The following PSME4 variants were observed in gnomAD, a reference collection of about 807,000 sequenced individuals.
PSME4 encodes proteasome activator complex subunit 4.
In PSME4, 89 loss-of-function variants were observed where a neutral mutation model predicts 253.9. The observed-to-expected ratio is 0.35, with a 90% confidence interval of 0.30 to 0.42. The LOEUF (loss-of-function observed/expected upper bound fraction) is 0.42, where lower values mean the gene tolerates loss of function less well. Among genes scored for constraint, PSME4 ranks in the 10% least tolerant of loss-of-function variants. The probability of loss-of-function intolerance (pLI) is 1.00; values close to 1 mark genes in which losing one functional copy is unlikely to be tolerated. For synonymous variants in PSME4, 851 were observed against 759.2 expected, an observed-to-expected ratio of 1.12 and a Z score of -1.99; for missense variants, 2,014 against 2,195.2, an observed-to-expected ratio of 0.92 and a Z score of 1.65.
intron 40 of PSME4, 87 bp downstream of exon 40, chr2:53,887,172 C>T (rs1679679259): frequency 5.8e-6 from 7 of 1,211,148 alleles, no homozygotes; most frequent in African/African-American, 3.1e-5. Flanking sequence ...GTCTATTTTA[C>T]CACAATAAAA....
rs774703506 is a variant in PSME4 at position 53,934,695 on chromosome 2, G to A, written c.867C>T (p.Leu289=). Residue 289 remains leucine (L), a synonymous_variant, in exon 8 of 47, where the codon CTC becomes CTT. Coordinates refer to ENST00000404125, the MANE Select transcript of PSME4 (RefSeq NM_014614.3). ...CTAACACTTGACTGCTTCCCACTGG[G>A]AGGTTCAAGCTTCTCAGAATTCTTG... ...IFTRILRSLN[L]PVGSSQVLVP... 9 of 1,601,954 alleles carry A rather than the reference G, an allele frequency of 5.6e-6. 1 individual carries two copies. In the South Asian group the frequency reaches 9.9e-5, roughly 18 times the overall value.
Position 53,970,976 on chromosome 2 carries a change from G to C in PSME4, c.-192C>G. 1 of 472,554 alleles carries C rather than the reference G, an allele frequency of 2.1e-6. No individual in the cohort carries two copies. The highest frequency in any genetic ancestry group is 3.6e-6 in the Non-Finnish European group (1 of 276,904). 29.3% of individuals were successfully genotyped at this position (472,554 alleles called of 1,614,324 possible). A position where few individuals can be genotyped will look rare whatever the true frequency, so the allele number is the denominator to read the frequency against. On this transcript the variant is annotated 5_prime_UTR_variant, in exon 1 of 47. Coordinates refer to ENST00000404125, the MANE Select transcript of PSME4 (RefSeq NM_014614.3). ...CCCACGCGGCTCTCAGTTCGTTGGC[G>C]GCGGCAGCGGCCGCTCTGCCCGCCC...
At chr2:53,956,486 C>T (rs112044938) in intron 1 of PSME4, among the ~76,000 whole-genome samples, 19 of 151,482 alleles carry the variant, frequency 1.3e-4, no homozygotes, top group African/African-American at 3.2e-4. Context: ...GCCGAGATCA[C>T]GCCACTGCAC....
intron 8 of PSME4, 66 bp from the exon 9 acceptor site, chr2:53,932,826 C>A: frequency 8.0e-7 from 1 of 1,249,138 alleles, no homozygotes. Context: ...GGTCAACAGG[C>A]CCAAGCCTAT....
intron 41 of PSME4, among the ~76,000 whole-genome samples, chr2:53,877,034 T>C (rs1189090351): frequency 6.6e-6 from 1 of 152,028 alleles, no homozygotes; most frequent in Admixed American, 6.6e-5. Context: ...CCGTATTTGT[T>C]TTAATGAAGA....
chr2:53,909,812 C>T (rs1001015695), intron 21 of PSME4, among the ~76,000 whole-genome samples: 28 of 152,010 alleles, frequency 1.8e-4, no homozygotes, highest in African/African-American at 6.0e-4. Flanking sequence ...AAATATAAAA[C>T]TTAGCTGGGC....
intron 36 of PSME4, among the ~76,000 whole-genome samples, 168 bp downstream of exon 36, chr2:53,892,640 C>T (rs1679964020): frequency 6.6e-6 from 1 of 152,186 alleles, no homozygotes; most frequent in South Asian, 2.1e-4. Flanking sequence ...TTCCTAGAGA[C>T]CATTAGGCTG....
intron 24 of PSME4, among the ~76,000 whole-genome samples, chr2:53,907,500 C>G (rs1324143490): frequency 6.6e-6 from 1 of 152,152 alleles, no homozygotes; most frequent in Non-Finnish European, 1.5e-5. Context: ...AACAGTTTAA[C>G]TCCCTTTCTT....
chr2:53,964,272 C>T (rs935225370), intron 1 of PSME4, among the ~76,000 whole-genome samples: 3 of 152,140 alleles, frequency 2.0e-5, no homozygotes, highest in African/African-American at 7.2e-5. Context: ...AGAGGGTATA[C>T]AGGAACTCTA....
chr2:53,871,249 A>G (rs1443835427), intron 43 of PSME4, among the ~76,000 whole-genome samples: 4 of 151,556 alleles, frequency 2.6e-5, no homozygotes, highest in Non-Finnish European at 5.9e-5. Flanking sequence ...TAATGTCTTT[A>G]TCTGTATACT....
In PSME4 at chr2:53,874,354, C is replaced by T. The variant is rs749298200; in HGVS notation, c.5085G>A (p.Glu1695=). 3.1e-6 allele frequency: 5 copies of T among 1,609,728 alleles called. No homozygotes were observed. The highest frequency in any genetic ancestry group is 4.2e-6 in the Non-Finnish European group (5 of 1,178,992). ...TAAATTTTACCTCCAGTTGTTCGTCCTCCAAAAGACTTATAACCAGCCACC... is the reference window on the plus strand; with the variant it reads ...TAAATTTTACCTCCAGTTGTTCGTCTTCCAAAAGACTTATAACCAGCCACC... ...DIRWLVISLL[E]DEQLEVREMA... Residue 1695 remains glutamate, a synonymous_variant, in exon 43 of 47, where the codon GAG becomes GAA. Coordinates refer to ENST00000404125, the MANE Select transcript of PSME4 (RefSeq NM_014614.3).
intron 32 of PSME4, among the ~76,000 whole-genome samples, chr2:53,896,055 G>A (rs1680123109): frequency 6.6e-6 from 1 of 151,832 alleles, no homozygotes; most frequent in Admixed American, 6.6e-5. Context: ...GACTTACAGA[G>A]CTCAAAAAAT....
At chr2:53,969,616 T>C (rs1670935280) in intron 1 of PSME4, among the ~76,000 whole-genome samples, 1 of 151,870 alleles carries the variant, frequency 6.6e-6, no homozygotes, top group Non-Finnish European at 1.5e-5. Context: ...CTTAAAAAGC[T>C]CTTCGGACAC....
intron 8 of PSME4, 99 bp downstream of exon 8, chr2:53,934,506 C>G (rs973949164): frequency 8.1e-7 from 1 of 1,238,090 alleles, no homozygotes. Context: ...AGTCACCAAC[C>G]AAGCCACTAT....
chr2:53,875,798 C>T, intron 41 of PSME4, 43 bp from the exon 42 acceptor site: 1 of 1,576,478 alleles, frequency 6.3e-7, no homozygotes. Flanking sequence ...AAAATAATTG[C>T]CAATAAGTAC....
intron 3 of PSME4, among the ~76,000 whole-genome samples, chr2:53,945,758 A>G (rs1283884191): frequency 6.6e-6 from 1 of 152,264 alleles, no homozygotes; most frequent in Admixed American, 6.5e-5. Context: ...TAAAAATAGC[A>G]TTCTAAAAAT....
At chr2:53,937,717 G>A (rs1669188291) in intron 4 of PSME4, among the ~76,000 whole-genome samples, 177 bp from the exon 5 acceptor site, 1 of 152,146 alleles carries the variant, frequency 6.6e-6, no homozygotes, top group South Asian at 2.1e-4. Flanking sequence ...AAATGCCCCA[G>A]TTGGGTGCAG....
intron 26 of PSME4, among the ~76,000 whole-genome samples, chr2:53,905,379 T>G (rs1310050237): frequency 6.6e-6 from 1 of 152,030 alleles, no homozygotes; most frequent in Non-Finnish European, 1.5e-5. Context: ...AGCTAGAGAT[T>G]AGTTACAGGT....
intron 1 of PSME4, among the ~76,000 whole-genome samples, chr2:53,968,274 CAAAA>C (rs575802007): frequency 6.3e-5 from 6 of 95,194 alleles, no homozygotes; most frequent in Non-Finnish European, 6.3e-5. Flanking sequence ...GACTCCACCT[CAAAA>C]AAAAAAAAAA....
Sources: gnomAD v4.1 joint callset for allele counts (sites outside exome capture counted in the v4.1 genomes callset) on GRCh38, gnomAD v4.1.1 for gene constraint, MANE v1.5 for transcripts, NCBI Gene and HGNC (gene_info 2026-07-23, HGNC 2026-07-21) for gene names.